ALG6: variants seen among roughly 807,000 people sequenced by gnomAD.
ALG6 encodes ALG6 alpha-1,3-glucosyltransferase.
Under a neutral mutation model 66.6 loss-of-function variants are expected in ALG6, and 46 were observed. That is an observed-to-expected ratio of 0.69 (90% CI 0.55 to 0.88). The LOEUF (loss-of-function observed/expected upper bound fraction) is 0.88. ALG6 is among the 40% of genes least tolerant of loss of function. The pLI is 0.00. For missense variants in ALG6, 505 were observed against 586.8 expected (o/e 0.86, Z 1.44); for synonymous variants, 185 against 203.7 (o/e 0.91, Z 0.78).
Position 63,433,676 on chromosome 1 carries a change from C to T in ALG6, c.1327-3147C>T, listed in dbSNP as rs1005937026. Among the ~76,000 whole-genome samples the T allele has an allele frequency of 5.3e-5, 8 of 152,156 alleles. No individual in the cohort carries two copies. The highest frequency in any genetic ancestry group is 4.4e-5 in the Non-Finnish European group (3 of 68,028). ...TAAGGTGAGGACCGCTATGGGCTCCCAGATTTATTTGTTCTTTAATAGTTT... is the reference window on the plus strand; with the variant it reads ...TAAGGTGAGGACCGCTATGGGCTCCTAGATTTATTTGTTCTTTAATAGTTT... On this transcript the variant is annotated intron_variant, in intron 14 of 14. Transcript: ENST00000263440. This position sits in a 1 kb window ranked among gnomAD's most constrained non-coding sequence, Gnocchi z 4.2.
At chr1:63,413,322 A>C (rs2100422724) in intron 9 of ALG6, among the ~76,000 whole-genome samples, 1 of 152,308 alleles carries the variant, frequency 6.6e-6, no homozygotes, top group South Asian at 2.1e-4. Context: ...CCATTTCAGA[A>C]ATGGCATTTA....
chr1:63,431,857 T>C (rs1027277497), intron 14 of ALG6, among the ~76,000 whole-genome samples: 1 of 152,206 alleles, frequency 6.6e-6, no homozygotes, highest in East Asian at 1.9e-4. Flanking sequence ...TATACAAATA[T>C]ATTTTTGTAT....
At chr1:63,399,392 G>A (rs1644432642) in intron 3 of ALG6, among the ~76,000 whole-genome samples, 1 of 152,120 alleles carries the variant, frequency 6.6e-6, no homozygotes, top group Admixed American at 6.5e-5. Flanking sequence ...ACGCTCAAGG[G>A]GAGGGGATTG....
intron 9 of ALG6, among the ~76,000 whole-genome samples, chr1:63,413,012 G>A (rs1644524134): frequency 1.3e-5 from 2 of 152,178 alleles, no homozygotes; most frequent in Non-Finnish European, 2.9e-5. Flanking sequence ...GTGACTGTAT[G>A]TCAACAGGAT....
chr1:63,396,526 G>A lies in ALG6; in HGVS notation c.96G>A (p.Pro32=), dbSNP rs149990175. ...CTTTGATCTTAGGTGCTGGTAAACC[G>A]CCTATGTTTGGTGATTATGAAGCTC... ...SLNSYSGAGK[P]PMFGDYEAQR... is the part of the protein sequence containing the mutation. Residue 32 remains proline (P), a synonymous_variant, in exon 3 of 15, where the codon CCG becomes CCA. Transcript: ENST00000263440. 5.1e-5 allele frequency: 82 copies of A among 1,613,908 alleles called. No individual in the cohort carries two copies. Among genetic ancestry groups the A allele is most frequent in the South Asian group, 2.7e-4 (25 of 91,066 alleles).
chr1:63,368,452 T>A (rs914373717), intron 1 of ALG6, among the ~76,000 whole-genome samples: 1 of 151,914 alleles, frequency 6.6e-6, no homozygotes, highest in Non-Finnish European at 1.5e-5. Context: ...GGAGGATCCC[T>A]GCTCACAGGG....
intron 14 of ALG6, among the ~76,000 whole-genome samples, chr1:63,434,962 C>T (rs750631713): frequency 2.0e-4 from 30 of 152,068 alleles, no homozygotes; most frequent in Non-Finnish European, 3.2e-4. Context: ...GCCAAGTGAA[C>T]GAAGTGTTTC....
chr1:63,407,089 T>C lies in ALG6; in HGVS notation c.457T>C (p.Tyr153His), dbSNP rs762207773. Residue 153 changes from tyrosine to histidine, a missense_variant, in exon 7 of 15, where the codon TAT becomes CAT. Transcript: ENST00000263440. ...TGCTAATGCATTATGCATCTTGCTG[T>C]ATCCAGGCCTTATTCTTATAGACTA... Reference protein sequence around the residue: ...KIANALCILLYPGLILIDYGH... With the variant: ...KIANALCILLHPGLILIDYGH... 1.2e-6 allele frequency: 2 copies of C among 1,609,800 alleles called. No homozygotes were observed. Among genetic ancestry groups the C allele is most frequent in the Admixed American group, 3.3e-5 (2 of 59,996 alleles).
At chr1:63,397,980 A>C (rs950188409) in intron 3 of ALG6, among the ~76,000 whole-genome samples, 1 of 152,246 alleles carries the variant, frequency 6.6e-6, no homozygotes, top group African/African-American at 2.4e-5. Flanking sequence ...TGGTTATAGC[A>C]TCATAGAAAT....
intron 2 of ALG6, among the ~76,000 whole-genome samples, chr1:63,389,168 A>G (rs1648593183): frequency 6.7e-6 from 1 of 149,966 alleles, no homozygotes; most frequent in South Asian, 2.1e-4. Context: ...TTCTACCCTG[A>G]TCTCTCTCTC....
At chr1:63,412,132 A>ACCTTT in intron 9 of ALG6, 71 bp downstream of exon 9, 6 of 1,601,166 alleles carry the variant, frequency 3.7e-6, no homozygotes. Flanking sequence ...TTTCATGTAG[A>ACCTTT]AGGTACAAGG....
chr1:63,401,415 C>T (rs1644464400), intron 3 of ALG6, among the ~76,000 whole-genome samples: 1 of 152,054 alleles, frequency 6.6e-6, no homozygotes, highest in African/African-American at 2.4e-5. Flanking sequence ...CCTGTAATCG[C>T]AGCACTTTGG....
intron 2 of ALG6, among the ~76,000 whole-genome samples, chr1:63,387,182 T>C (rs1245602566): frequency 6.6e-6 from 1 of 152,228 alleles, no homozygotes; most frequent in Non-Finnish European, 1.5e-5. Context: ...TTGAATTTTT[T>C]AAGACTTGTT....
chr1:63,387,528 T>TTC, intron 2 of ALG6, among the ~76,000 whole-genome samples: 1 of 138,132 alleles, frequency 7.2e-6, no homozygotes, highest in East Asian at 2.1e-4. Context: ...TTCTTTGTCT[T>TTC]TCTCTTTTTT....
intron 2 of ALG6, among the ~76,000 whole-genome samples, chr1:63,381,055 C>T (rs1381111224): frequency 2.6e-5 from 4 of 152,182 alleles, no homozygotes; most frequent in East Asian, 1.9e-4. Flanking sequence ...CCCAGTGGCT[C>T]ACACCTGTAA....
At chr1:63,371,287 G>A (rs538115902) in intron 2 of ALG6, 2 of 523,816 alleles carry the variant, frequency 3.8e-6, no homozygotes, top group East Asian at 3.4e-5. Flanking sequence ...TGTTCTAACA[G>A]GTAAGATGAC....
In ALG6 at chr1:63,411,934, T is replaced by C. The variant is rs1644518403; in HGVS notation, c.689T>C (p.Leu230Ser). 1.2e-6 allele frequency: 2 copies of C among 1,614,162 alleles called. No homozygotes were observed. The highest frequency in any genetic ancestry group is 4.5e-5 in the East Asian group (2 of 44,882). ...KKGLKGKGFV[L>S]LVKLACIVVA... Reference sequence around the variant, plus strand: ...CTTTGTTTTTGTTTTAGGTTTGTGTTGCTAGTTAAGCTAGCTTGTATTGTT... The same window carrying C: ...CTTTGTTTTTGTTTTAGGTTTGTGTCGCTAGTTAAGCTAGCTTGTATTGTT... Residue 230 changes from leucine (L) to serine (S), a missense_variant, in exon 9 of 15, where the codon TTG (leucine) becomes TCG (serine). Leu to Ser is a moderately radical substitution (Grantham distance 145). Transcript: ENST00000263440.
chr1:63,422,038 A>G (rs1367347611), intron 12 of ALG6, among the ~76,000 whole-genome samples: 3 of 140,946 alleles, frequency 2.1e-5, no homozygotes, highest in African/African-American at 7.8e-5. Flanking sequence ...ATATGTATAT[A>G]TATAATTTAT....
In ALG6 at chr1:63,422,274, T is replaced by TATATTTATATCG. The variant is rs1553156457; in HGVS notation, c.1058+2838_1058+2839insTTATATCGATAT. On this transcript the variant is annotated intron_variant, in intron 12 of 14. Coordinates refer to ENST00000263440, the MANE Select transcript of ALG6 (RefSeq NM_013339.4). The stretch of plus-strand genomic sequence containing the variant: ...ATATATTTATATAGATATAAATATA[T>TATATTTATATCG]ATATAAATATATATATTTATATAGA... 2.7e-3 allele frequency among the ~76,000 whole-genome samples: 106 copies of TATATTTATATCG among 39,462 alleles called. 25 individuals carry two copies. The highest frequency in any genetic ancestry group is 0.015 in the African/African-American group (99 of 6,426). The allele number at this position is 39,462 out of a possible 152,430, so 25.9% of individuals were successfully genotyped here.
Sources: gnomAD v4.1 joint callset for allele counts (sites outside exome capture counted in the v4.1 genomes callset) on GRCh38, gnomAD v4.1.1 for gene constraint, Gnocchi (gnomAD v3.1) non-coding constraint, MANE v1.5 for transcripts, NCBI Gene and HGNC (gene_info 2026-07-23, HGNC 2026-07-21) for gene names.